Variants in AJUBA observed in about 807,000 individuals in gnomAD.
AJUBA encodes the protein LIM domain-containing protein ajuba.
A neutral mutation model predicts 53.3 loss-of-function variants in AJUBA; 20 were observed. The ratio of observed to expected loss-of-function variants is 0.38; its 90% confidence interval spans 0.26 to 0.55. The LOEUF is 0.55. AJUBA is among the 20% of genes least tolerant of loss of function. The pLI, the probability that AJUBA is intolerant of heterozygous loss-of-function variation, is 0.80. For missense variants in AJUBA, 580 were observed against 730.5 expected, an observed-to-expected ratio of 0.79 and a Z score of 2.38; for synonymous variants, 296 against 306.2, an observed-to-expected ratio of 0.97 and a Z score of 0.35.
At chr14:22,980,140 C>T (rs1363397815) in intron 1 of AJUBA, among the ~76,000 whole-genome samples, 2 of 152,146 alleles carry the variant, frequency 1.3e-5, no homozygotes, top group Non-Finnish European at 2.9e-5. Context: ...GCATGGGGTC[C>T]AGGAGTGGGG....
Position 22,978,606 on chromosome 14 carries a change from C to T in AJUBA, c.1007-161G>A. ...AACGAGTAATGAGATGCAGCAAGAT[C>T]TTGGCTGAGCAGATCCATTCTTGTT... On this transcript the variant is annotated intron_variant, in intron 1 of 7. Transcript: ENST00000262713. The T allele has an allele frequency of 3.5e-6, 5 of 1,411,276 alleles. No homozygotes were observed. In the South Asian group the frequency reaches 7.7e-5, roughly 22 times the overall value. The allele number at this position is 1,411,276 out of a possible 1,614,324, so 87.4% of individuals were successfully genotyped here. A position where few individuals can be genotyped will look rare whatever the true frequency, so the allele number is the denominator to read the frequency against.
intron 7 of AJUBA, 30 bp from the exon 8 acceptor site, chr14:22,973,598 GC>G (rs1416677341): frequency 6.2e-7 from 1 of 1,612,778 alleles, no homozygotes. Flanking sequence ...GTTCACCTCA[GC>G]CTAGGCACCT....
chr14:22,971,970 G>A lies in AJUBA; in HGVS notation c.*1473C>T, dbSNP rs1923. On this transcript the variant is annotated 3_prime_UTR_variant, in exon 8 of 8. Coordinates refer to ENST00000262713, the MANE Select transcript of AJUBA (RefSeq NM_032876.6). ...TGATAAATTTATGTTGCTGATAATA[G>A]CTCAGAAGTACTCTTGGATGAATAG... The A allele has an allele frequency of 0.5, 76,896 of 152,410 alleles. 21,441 individuals carry two copies. The highest frequency in any genetic ancestry group is 0.75 in the African/African-American group (31,107 of 41,494). 9.4% of individuals were successfully genotyped at this position (152,410 alleles called of 1,614,324 possible).
Position 22,982,382 on chromosome 14 carries a change from C to G in AJUBA, c.-116G>C. The G allele has an allele frequency of 6.6e-7, 1 of 1,510,390 alleles. No homozygotes were observed. 93.6% of individuals were successfully genotyped at this position (1,510,390 alleles called of 1,614,324 possible). Reference sequence around the variant, plus strand: ...GTTCCCCAGGGGCACAGGGGAGGCACAGGGGCTTAGCGGGCGGCCTGGATG... The same window carrying G: ...GTTCCCCAGGGGCACAGGGGAGGCAGAGGGGCTTAGCGGGCGGCCTGGATG... On this transcript the variant is annotated 5_prime_UTR_variant, in exon 1 of 8. Transcript: ENST00000262713.
chr14:22,980,828 C>A (rs1039601124), intron 1 of AJUBA, among the ~76,000 whole-genome samples: 2 of 151,944 alleles, frequency 1.3e-5, no homozygotes, highest in Non-Finnish European at 2.9e-5. Context: ...GCCCCGCCCC[C>A]CCACCCGCGC....
rs1476594871 is a variant in AJUBA, at chr14:22,973,585, C to T, written c.1492-17G>A. On this transcript the variant is annotated splice_polypyrimidine_tract_variant and intron_variant, in intron 7 of 7. Coordinates refer to ENST00000262713, the MANE Select transcript of AJUBA (RefSeq NM_032876.6). ...CCGGCAGTCCTAGGGAAGAAGGCAC[C>T]TAGTTCACCTCAGCCTAGGCACCTT... 6.2e-7 allele frequency: 1 copy of T among 1,613,680 alleles called. No homozygotes were observed. The highest frequency in any genetic ancestry group is 1.7e-5 in the Admixed American group (1 of 59,988).
At position 22,979,135 on chromosome 14, in the gene AJUBA, C is replaced by T. The variant is rs2045064711; in HGVS notation, c.1007-690G>A. On this transcript the variant is annotated intron_variant, in intron 1 of 7. Transcript: ENST00000262713. The surrounding 1 kb of genome is among the most constrained non-coding windows in gnomAD (Gnocchi z 4.0). ...AGCAGAGCCCCTGATGCCTCCTAGT[C>T]ACCTTCTATCATGGGAAGAATACAG... The T allele has an allele frequency of 1.6e-6, 2 of 1,241,364 alleles. No homozygotes were observed. Among genetic ancestry groups the T allele is most frequent in the African/African-American group, 3.1e-5 (2 of 64,096 alleles). The allele number at this position is 1,241,364 out of a possible 1,614,324, so 76.9% of individuals were successfully genotyped here. A position where few individuals can be genotyped will look rare whatever the true frequency, so the allele number is the denominator to read the frequency against.
Position 22,974,123 on chromosome 14 carries a change from A to C in AJUBA, c.1423-8T>G. ...CACGATGTCCTCACAGCCCTGAAAC[A>C]TGCAGACCCCCATGGAGATGAGAGC... On this transcript the variant is annotated splice_polypyrimidine_tract_variant and splice_region_variant and intron_variant, in intron 6 of 7. Coordinates refer to ENST00000262713, the MANE Select transcript of AJUBA (RefSeq NM_032876.6). 1 of 1,614,096 alleles carries C rather than the reference A, an allele frequency of 6.2e-7. No individual in the cohort carries two copies. Among genetic ancestry groups the C allele is most frequent in the Non-Finnish European group, 8.5e-7 (1 of 1,179,988 alleles).
intron 4 of AJUBA, 66 bp from the exon 5 acceptor site, chr14:22,975,170 C>G: frequency 1.3e-6 from 2 of 1,563,692 alleles, no homozygotes; most frequent in African/African-American, 1.3e-5. Context: ...GCCCATTATG[C>G]TCCTTATTAC....
Position 22,976,439 on chromosome 14 carries a change from G to A in AJUBA, c.1239+17C>T, listed in dbSNP as rs2045037391. 5.0e-6 allele frequency: 8 copies of A among 1,613,624 alleles called. No individual in the cohort carries two copies. The East Asian group carries it at 1.3e-4, about 27-fold the overall frequency. The stretch of plus-strand genomic sequence containing the variant: ...AGCCTCACAGTGAGACTTCTCAGCT[G>A]AAAGCACTTTACTTACCTTCTCCAA... On this transcript the variant is annotated intron_variant, in intron 4 of 7. Transcript: ENST00000262713.
In AJUBA at chr14:22,973,359, A is replaced by C. The variant is rs1364796215; in HGVS notation, c.*84T>G. ...CTCTTCTGCCAGGCCTGCAGAGTGC[A>C]TTCTTTGCCTTGGCTGGCCTCAGAG... On this transcript the variant is annotated 3_prime_UTR_variant, in exon 8 of 8. Coordinates refer to ENST00000262713, the MANE Select transcript of AJUBA (RefSeq NM_032876.6). 27 of 1,540,168 alleles carry C rather than the reference A, an allele frequency of 1.8e-5. No homozygotes were observed. The highest frequency in any genetic ancestry group is 2.3e-5 in the Non-Finnish European group (26 of 1,139,514).
chr14:22,976,510 C>A lies in AJUBA; in HGVS notation c.1185G>T (p.Gly395=), dbSNP rs546140531. 1.9e-6 allele frequency: 3 copies of A among 1,614,090 alleles called. No individual in the cohort carries two copies. The highest frequency in any genetic ancestry group is 1.6e-4 in the Middle Eastern group (1 of 6,062). ...VYCEEDYLFS[G]FQEAAEKCCV... is the part of the protein sequence containing the mutation. ...AGCATTTCTCAGCTGCCTCCTGAAA[C>A]CCTGAAAACTAAAGTAAAAGACAAG... Residue 395 remains glycine, a synonymous_variant, in exon 4 of 8, where the codon GGG becomes GGT. Coordinates refer to ENST00000262713, the MANE Select transcript of AJUBA (RefSeq NM_032876.6).
At position 22,981,641 on chromosome 14, in the gene AJUBA, G is replaced by C. The variant is rs769989516; in HGVS notation, c.626C>G (p.Ala209Gly). The change falls in exon 1 of 8, where the codon GCC becomes GGC. Residue 209 changes from alanine to glycine, a missense_variant. This residue lies in a region of AJUBA where 430 missense variants were observed against 471.5 expected (regional missense o/e 0.91). Transcript: ENST00000262713. ...GVPSAYPELH[A>G]ALDRLYAQRP... ...CTGAGCGTACAATCGGTCCAGGGCG[G>C]CGTGGAGCTCCGGGTAGGCGGACGG... 115 of 1,517,622 alleles carry C rather than the reference G, an allele frequency of 7.6e-5. No individual in the cohort carries two copies. The highest frequency in any genetic ancestry group is 8.8e-5 in the Non-Finnish European group (100 of 1,135,028). The allele number at this position is 1,517,622 out of a possible 1,614,324, so 94.0% of individuals were successfully genotyped here.
rs780850472 is a variant in AJUBA, at chr14:22,974,965, C to T, written c.1370+9G>A. ...CAGTTCCACACTGCATCCCAAGGGGCAGACTCACTTGTGGTAGTCGGTGAC... is the reference window on the plus strand; with the variant it reads ...CAGTTCCACACTGCATCCCAAGGGGTAGACTCACTTGTGGTAGTCGGTGAC... On this transcript the variant is annotated intron_variant, in intron 5 of 7. Transcript: ENST00000262713. 6.8e-6 allele frequency: 11 copies of T among 1,614,042 alleles called. No homozygotes were observed. Among genetic ancestry groups the T allele is most frequent in the Non-Finnish European group, 9.3e-6 (11 of 1,179,878 alleles).
chr14:22,978,537 G>A, intron 1 of AJUBA, 92 bp from the exon 2 acceptor site: 1 of 1,530,984 alleles, frequency 6.5e-7, no homozygotes, highest in Non-Finnish European at 8.8e-7. Flanking sequence ...TGTGCCAGGG[G>A]TCACAGTCTC....
At position 22,982,153 on chromosome 14, in the gene AJUBA, T is replaced by G; in HGVS notation, c.114A>C (p.Leu38=). The G allele has an allele frequency of 6.2e-7, 1 of 1,611,588 alleles. No homozygotes were observed. ...ACTTCCTAGGTCCCCCCAACCCACTTAGGCGCCCCTTGCCCGGCCCGGGGG... is the reference window on the plus strand; with the variant it reads ...ACTTCCTAGGTCCCCCCAACCCACTGAGGCGCCCCTTGCCCGGCCCGGGGG... ...DGTPGPGKGR[L]SGLGGPRKSG... Residue 38 remains leucine, a synonymous_variant, in exon 1 of 8, where the codon CTA becomes CTC. Coordinates refer to ENST00000262713, the MANE Select transcript of AJUBA (RefSeq NM_032876.6).
At chr14:22,980,823 GC>G (rs1392049373) in intron 1 of AJUBA, 3 of 282,334 alleles carry the variant, frequency 1.1e-5, no homozygotes, top group Non-Finnish European at 1.6e-5. Flanking sequence ...AGCCTGCCCC[GC>G]CCCCCCACCC....
rs191616778 is a variant in AJUBA, at chr14:22,979,248, C to T, written c.1007-803G>A. ...TTGCCTTTCCTGGGTGTGTTCTTCC[C>T]TCCCTCCACTCCCCAATTCCAGGCC... On this transcript the variant is annotated intron_variant, in intron 1 of 7. Coordinates refer to ENST00000262713, the MANE Select transcript of AJUBA (RefSeq NM_032876.6). This position sits in a 1 kb window ranked among gnomAD's most constrained non-coding sequence, Gnocchi z 4.0. The T allele has an allele frequency of 8.9e-5, 54 of 608,716 alleles. No homozygotes were observed. In the East Asian group the frequency reaches 6.2e-3, roughly 70 times the overall value. The allele number at this position is 608,716 out of a possible 1,614,324, so 37.7% of individuals were successfully genotyped here.
In AJUBA at chr14:22,981,793, G is replaced by T; in HGVS notation, c.474C>A (p.Cys158Ter). 1 of 1,534,050 alleles carries T rather than the reference G, an allele frequency of 6.5e-7. No homozygotes were observed. The change falls in exon 1 of 8, where the codon TGC (cysteine) becomes TGA (stop). Residue 158 changes from cysteine to a stop codon, truncating the protein, a stop_gained. Coordinates refer to ENST00000262713, the MANE Select transcript of AJUBA (RefSeq NM_032876.6). LOFTEE classifies it high-confidence loss of function. ...TGCTGATGCCGCTGGTGCGATTGCT[G>T]CAGGGCCGGCTACCTCCAGCTCCGC... is the stretch of plus-strand genomic sequence containing the variant. ...GAGGAGGSRP[C>*]SNRTSGISMG... is the part of the protein sequence containing the mutation.
Sources: gnomAD v4.1 joint callset for allele counts (sites outside exome capture counted in the v4.1 genomes callset) on GRCh38, gnomAD v4.1.1 for gene constraint, gnomAD v4.1.1 regional missense constraint, Gnocchi (gnomAD v3.1) non-coding constraint, MANE v1.5 for transcripts, NCBI Gene and HGNC (gene_info 2026-07-23, HGNC 2026-07-21) for gene names.